The following TSHZ2 variants were observed in gnomAD, a reference collection of about 807,000 sequenced individuals.
TSHZ2 encodes teashirt homolog 2.
In TSHZ2, 21 loss-of-function variants were observed where a neutral mutation model predicts 74.4. The ratio of observed to expected loss-of-function variants is 0.28; its 90% CI spans 0.20 to 0.41. TSHZ2 has a LOEUF of 0.41. Among genes scored for constraint, TSHZ2 ranks in the 10% least tolerant of loss-of-function variants. The probability of loss-of-function intolerance (pLI) is 1.00; values close to 1 mark genes in which losing one functional copy is unlikely to be tolerated. For synonymous variants in TSHZ2, 540 were observed against 515.3 expected, an observed-to-expected ratio of 1.05 and a Z score of -0.65; for missense variants, 1,244 against 1,293.5, an observed-to-expected ratio of 0.96 and a Z score of 0.59.
rs1044179299 is a variant in TSHZ2, at chr20:53,490,232, A to C, written c.*3097A>C. 6.6e-6 allele frequency: 1 copy of C among 152,230 alleles called. No individual in the cohort carries two copies. The highest frequency in any genetic ancestry group is 2.4e-5 in the African/African-American group (1 of 41,454). 9.4% of individuals were successfully genotyped at this position (152,230 alleles called of 1,614,324 possible). A position where few individuals can be genotyped will look rare whatever the true frequency, so the allele number is the denominator to read the frequency against. On this transcript the variant is annotated 3_prime_UTR_variant, in exon 3 of 3. Coordinates refer to ENST00000371497, the MANE Select transcript of TSHZ2 (RefSeq NM_173485.6). ...ATTTTGTAGTTCAGCAAATCCTCCA[A>C]ATACACAGCATGTTACAAGGCACTG...
intron 2 of TSHZ2, among the ~76,000 whole-genome samples, chr20:53,433,594 C>G (rs952474328): frequency 2.7e-5 from 4 of 150,394 alleles, no homozygotes; most frequent in East Asian, 4.0e-4. Context: ...GACACACACA[C>G]ACACACACAC....
chr20:53,390,638 G>T (rs990866399), intron 2 of TSHZ2, among the ~76,000 whole-genome samples: 5 of 152,154 alleles, frequency 3.3e-5, no homozygotes, highest in Non-Finnish European at 7.3e-5. Flanking sequence ...AGAATGATTT[G>T]TAATCCTTTG....
chr20:53,376,234 A>G (rs557682446), intron 2 of TSHZ2, among the ~76,000 whole-genome samples: 6 of 152,350 alleles, frequency 3.9e-5, no homozygotes, highest in South Asian at 4.1e-4. Context: ...AGGGTGGCCA[A>G]CTGTCCTGGT....
At chr20:53,260,752 G>C (rs961639108) in intron 2 of TSHZ2, among the ~76,000 whole-genome samples, 3 of 152,154 alleles carry the variant, frequency 2.0e-5, no homozygotes, top group Admixed American at 2.0e-4. Flanking sequence ...GCCCATAGTA[G>C]GTTTACAAGA....
intron 1 of TSHZ2, among the ~76,000 whole-genome samples, chr20:53,221,356 A>G (rs949444256): frequency 6.6e-6 from 1 of 152,212 alleles, no homozygotes; most frequent in Non-Finnish European, 1.5e-5. Flanking sequence ...TTTTCATGTG[A>G]AATCTCAATT....
At chr20:53,469,561 GA>G (rs1207470567) in intron 2 of TSHZ2, among the ~76,000 whole-genome samples, 18 of 32,592 alleles carry the variant, frequency 5.5e-4, no homozygotes, top group African/African-American at 1.9e-3. Flanking sequence ...AGGAGGGAAG[GA>G]AGGAAGGAAG....
In TSHZ2 at chr20:53,256,609, G is replaced by A; in HGVS notation, c.*8+38G>A. The A allele has an allele frequency of 6.6e-7, 1 of 1,524,250 alleles. No individual in the cohort carries two copies. The highest frequency in any genetic ancestry group is 8.8e-7 in the Non-Finnish European group (1 of 1,133,058). 94.4% of individuals were successfully genotyped at this position (1,524,250 alleles called of 1,614,324 possible). A position where few individuals can be genotyped will look rare whatever the true frequency, so the allele number is the denominator to read the frequency against. The stretch of plus-strand genomic sequence containing the variant: ...TCTGAGGCATTGCGATTAGCCTGGT[G>A]AGGAGCTTTCTTACAGGGAGATGGG... On this transcript the variant is annotated intron_variant, in intron 2 of 2. Transcript: ENST00000371497. This position sits in a 1 kb window ranked among gnomAD's most constrained non-coding sequence, Gnocchi z 4.3.
intron 2 of TSHZ2, among the ~76,000 whole-genome samples, chr20:53,386,611 G>A (rs1325573326): frequency 2.6e-5 from 4 of 152,214 alleles, no homozygotes; most frequent in South Asian, 2.1e-4. Flanking sequence ...TGTCAAGGGC[G>A]ACACTTCTGA....
At chr20:53,278,668 T>C (rs1990991614) in intron 2 of TSHZ2, among the ~76,000 whole-genome samples, 1 of 152,252 alleles carries the variant, frequency 6.6e-6, no homozygotes, top group Non-Finnish European at 1.5e-5. Context: ...CTGATCCTTA[T>C]ATTAATCTTT....
chr20:53,004,780 TAATAAA>T (rs1229117290), intron 1 of TSHZ2, among the ~76,000 whole-genome samples: 5 of 152,118 alleles, frequency 3.3e-5, no homozygotes, highest in South Asian at 4.1e-4. Flanking sequence ...TTCAATATAA[TAATAAA>T]AATAATAATA....
intron 2 of TSHZ2, among the ~76,000 whole-genome samples, chr20:53,465,982 AAAG>A (rs1342090043): frequency 6.6e-6 from 1 of 151,246 alleles, no homozygotes; most frequent in Non-Finnish European, 1.5e-5. Flanking sequence ...AAAAAAAAAA[AAAG>A]ACTGTAATCC....
chr20:53,157,869 T>A (rs927915408), intron 1 of TSHZ2, among the ~76,000 whole-genome samples: 3 of 151,586 alleles, frequency 2.0e-5, no homozygotes, highest in African/African-American at 7.3e-5. Context: ...CAATAAAGAG[T>A]AGTAAAGGTT....
chr20:52,981,348 G>A (rs1029606954), intron 1 of TSHZ2, among the ~76,000 whole-genome samples: 9 of 152,298 alleles, frequency 5.9e-5, no homozygotes, highest in South Asian at 2.1e-4. Flanking sequence ...ATTCGGCCGC[G>A]TAAACTTGGG....
At chr20:53,259,079 T>C (rs1469808164) in intron 2 of TSHZ2, among the ~76,000 whole-genome samples, 2 of 152,208 alleles carry the variant, frequency 1.3e-5, no homozygotes, top group Non-Finnish European at 2.9e-5. Flanking sequence ...TTTAGAACAA[T>C]ATTTATGCAA....
At position 53,026,615 on chromosome 20, in the gene TSHZ2, T is replaced by G. The variant is rs1302942352; in HGVS notation, c.40+53282T>G. Among the ~76,000 whole-genome samples the G allele has an allele frequency of 2.6e-5, 4 of 152,196 alleles. No homozygotes were observed. In the East Asian group the frequency reaches 7.7e-4, roughly 29 times the overall value. Reference sequence around the variant, plus strand: ...CAAAAAGATGTTTATTGTGGCATGCTTAGTAAACCCATGCAAATAAGAGAG... The same window carrying G: ...CAAAAAGATGTTTATTGTGGCATGCGTAGTAAACCCATGCAAATAAGAGAG... On this transcript the variant is annotated intron_variant, in intron 1 of 2. Transcript: ENST00000371497.
At chr20:53,118,144 G>A (rs1031829591) in intron 1 of TSHZ2, among the ~76,000 whole-genome samples, 2 of 152,210 alleles carry the variant, frequency 1.3e-5, no homozygotes, top group Admixed American at 1.3e-4. Flanking sequence ...CCAGATAAAG[G>A]AGCCAGATGC....
chr20:53,368,457 C>T (rs2145617726), intron 2 of TSHZ2, among the ~76,000 whole-genome samples: 1 of 152,228 alleles, frequency 6.6e-6, no homozygotes, highest in East Asian at 1.9e-4. Context: ...GTGCCTGCCA[C>T]AACCCCCAGC....
chr20:53,046,962 G>C lies in TSHZ2; in HGVS notation c.40+73629G>C, dbSNP rs1029351968. 2.6e-5 allele frequency among the ~76,000 whole-genome samples: 4 copies of C among 152,294 alleles called. 1 individual carries two copies. Among genetic ancestry groups the C allele is most frequent in the Admixed American group, 2.0e-4 (3 of 15,302 alleles). On this transcript the variant is annotated intron_variant, in intron 1 of 2. Coordinates refer to ENST00000371497, the MANE Select transcript of TSHZ2 (RefSeq NM_173485.6). ...ATCCCTGTGTATCGCTCTAAGGAGA[G>C]GGCAGAGTCTCAAGGCTATTCATGT...
intron 1 of TSHZ2, among the ~76,000 whole-genome samples, chr20:53,011,726 A>G (rs1982858472): frequency 6.6e-6 from 1 of 152,172 alleles, no homozygotes; most frequent in Non-Finnish European, 1.5e-5. Context: ...ATAAGAGGAA[A>G]ATTAAAATCT....
Sources: gnomAD v4.1 joint callset for allele counts (sites outside exome capture counted in the v4.1 genomes callset) on GRCh38, gnomAD v4.1.1 for gene constraint, Gnocchi (gnomAD v3.1) non-coding constraint, MANE v1.5 for transcripts, NCBI Gene and HGNC (gene_info 2026-07-23, HGNC 2026-07-21) for gene names.